The following C1orf87 variants were observed in gnomAD, a reference collection of about 807,000 sequenced individuals.
C1orf87 encodes the protein uncharacterized protein C1orf87.
Under a neutral mutation model 60.5 loss-of-function variants are expected in C1orf87, and 58 were observed. The ratio of observed to expected loss-of-function variants is 0.96; its 90% CI spans 0.78 to 1.19. The LOEUF is 1.19. Ranked by LOEUF, C1orf87 falls within the 50% of genes most tolerant of loss-of-function variation. The pLI is 0.00. For synonymous variants in C1orf87, 236 were observed against 227.4 expected, an observed-to-expected ratio of 1.04 and a Z score of -0.34; for missense variants, 673 against 638.6, an observed-to-expected ratio of 1.05 and a Z score of -0.58.
intron 8 of C1orf87, among the ~76,000 whole-genome samples, chr1:60,021,641 C>T (rs919751482): frequency 1.3e-4 from 20 of 152,182 alleles, no homozygotes; most frequent in Non-Finnish European, 2.9e-5. Context: ...CCAAGCACTG[C>T]TCTAGACACT....
chr1:60,040,755 A>ATTTT (rs34709077), intron 4 of C1orf87, among the ~76,000 whole-genome samples: 3 of 132,124 alleles, frequency 2.3e-5, no homozygotes, highest in Non-Finnish European at 1.6e-5. Context: ...ACTGTCTTTA[A>ATTTT]TTTTTTTTTT....
intron 10 of C1orf87, among the ~76,000 whole-genome samples, chr1:59,998,138 G>A (rs1644976164): frequency 7.3e-6 from 1 of 137,438 alleles, no homozygotes; most frequent in Non-Finnish European, 1.6e-5. Flanking sequence ...TTGTACTAGT[G>A]GGGTCTGCAG....
chr1:60,055,482 C>T (rs1645448244), intron 2 of C1orf87, 44 bp from the exon 3 acceptor site: 1 of 1,527,192 alleles, frequency 6.5e-7, no homozygotes, highest in Admixed American at 1.7e-5. Flanking sequence ...CAGGCAGACT[C>T]CTCATACACT....
chr1:60,040,755 ATT>A (rs34709077), intron 4 of C1orf87, among the ~76,000 whole-genome samples: 3,286 of 132,064 alleles, frequency 0.025, 98 homozygotes, highest in African/African-American at 0.086. Context: ...ACTGTCTTTA[ATT>A]TTTTTTTTTT....
In C1orf87 at chr1:60,055,275, T is replaced by C; in HGVS notation, c.271A>G (p.Asn91Asp). Residue 91 changes from asparagine to aspartate, a missense_variant, in exon 3 of 12, where the codon AAC becomes GAC. By Grantham distance (23) the Asn-to-Asp change is conservative. Coordinates refer to ENST00000371201, the MANE Select transcript of C1orf87 (RefSeq NM_152377.3). ...DDVKEKKHPE[N>D]NQKSENNQKL... Reference sequence around the variant, plus strand: ...TGGTTGTTTTCTGATTTCTGGTTGTTCTCTGGGTGCTTTTTCTCTTTCACA... The same window carrying C: ...TGGTTGTTTTCTGATTTCTGGTTGTCCTCTGGGTGCTTTTTCTCTTTCACA... The C allele has an allele frequency of 6.2e-7, 1 of 1,614,208 alleles. No individual in the cohort carries two copies. Among genetic ancestry groups the C allele is most frequent in the Non-Finnish European group, 8.5e-7 (1 of 1,180,024 alleles).
intron 2 of C1orf87, among the ~76,000 whole-genome samples, chr1:60,065,594 C>A (rs1362674027): frequency 1.3e-5 from 2 of 152,060 alleles, no homozygotes; most frequent in Non-Finnish European, 2.9e-5. Flanking sequence ...TTCAGGTACA[C>A]TTCTGTGTCT....
At chr1:60,049,491 G>C (rs1196977491) in intron 3 of C1orf87, among the ~76,000 whole-genome samples, 2 of 152,002 alleles carry the variant, frequency 1.3e-5, no homozygotes, top group Non-Finnish European at 2.9e-5. Context: ...TTCTATAGAT[G>C]AGAGATATAT....
intron 2 of C1orf87, among the ~76,000 whole-genome samples, chr1:60,056,126 C>T (rs1645454249): frequency 1.3e-5 from 2 of 152,252 alleles, no homozygotes; most frequent in East Asian, 3.9e-4. Flanking sequence ...CACCTGTAGT[C>T]CCAGCTACTT....
chr1:60,047,375 G>T (rs182797693), intron 3 of C1orf87, among the ~76,000 whole-genome samples: 1 of 151,890 alleles, frequency 6.6e-6, no homozygotes, highest in East Asian at 1.9e-4. Context: ...TTTTATTGAT[G>T]CCCAAATTAT....
At chr1:60,030,891 G>C (rs1387623612) in intron 7 of C1orf87, among the ~76,000 whole-genome samples, 1 of 152,224 alleles carries the variant, frequency 6.6e-6, no homozygotes, top group African/African-American at 2.4e-5. Context: ...GATCTTTGTG[G>C]ATGGTCAGAT....
intron 8 of C1orf87, among the ~76,000 whole-genome samples, chr1:60,011,172 G>T (rs563024184): frequency 1.3e-5 from 2 of 152,190 alleles, no homozygotes; most frequent in East Asian, 3.9e-4. Flanking sequence ...TAATATGTCT[G>T]CAAGAGACAA....
intron 3 of C1orf87, among the ~76,000 whole-genome samples, chr1:60,052,331 A>G (rs1005057841): frequency 5.4e-5 from 7 of 130,776 alleles, no homozygotes; most frequent in African/African-American, 1.9e-4. Context: ...TGATATAAAC[A>G]ATATGTATTT....
intron 4 of C1orf87, 91 bp downstream of exon 4, chr1:60,040,900 C>A: frequency 7.1e-7 from 1 of 1,405,496 alleles, no homozygotes; most frequent in Non-Finnish European, 9.5e-7. Context: ...GCCCTCAGAC[C>A]AACTTATCTT....
At chr1:60,026,164 A>T (rs2100276890) in intron 7 of C1orf87, among the ~76,000 whole-genome samples, 1 of 152,278 alleles carries the variant, frequency 6.6e-6, no homozygotes, top group East Asian at 1.9e-4. Flanking sequence ...AAATATTTCA[A>T]ACTTTTAGGG....
At position 59,990,738 on chromosome 1, in the gene C1orf87, G is replaced by A. The variant is rs41301090; in HGVS notation, c.1576C>T (p.Arg526Cys). Residue 526 changes from arginine to cysteine, a missense_variant, in exon 12 of 12, where the codon CGC (arginine) becomes TGC (cysteine). Transcript: ENST00000371201. ...LSPQKIDQAL[R>C]RFRSGENMLL... ...ATATTTTCTCCCGAACGGAATCTGC[G>A]CAAGGCCTGGTCGATTTTCTGAGGG... is the stretch of plus-strand genomic sequence containing the variant. 9.9e-6 allele frequency: 16 copies of A among 1,614,050 alleles called. No homozygotes were observed. Among genetic ancestry groups the A allele is most frequent in the Admixed American group, 1.7e-5 (1 of 60,008 alleles).
chr1:60,025,545 A>G, intron 7 of C1orf87, 47 bp from the exon 8 acceptor site: 1 of 1,401,166 alleles, frequency 7.1e-7, no homozygotes, highest in South Asian at 1.3e-5. Flanking sequence ...TCACTAGGAT[A>G]CAAAATGTTT....
At chr1:60,023,807 C>G (rs1645180481) in intron 8 of C1orf87, among the ~76,000 whole-genome samples, 1 of 152,168 alleles carries the variant, frequency 6.6e-6, no homozygotes, top group Non-Finnish European at 1.5e-5. Context: ...GACAGTTACT[C>G]AGATCTTCCT....
At chr1:60,016,412 C>T (rs1645124963) in intron 8 of C1orf87, among the ~76,000 whole-genome samples, 2 of 152,170 alleles carry the variant, frequency 1.3e-5, no homozygotes, top group Admixed American at 1.3e-4. Flanking sequence ...CTGAGACACT[C>T]ATTCACTTGC....
chr1:60,048,390 A>T (rs1031058806), intron 3 of C1orf87, among the ~76,000 whole-genome samples: 9 of 152,108 alleles, frequency 5.9e-5, no homozygotes, highest in African/African-American at 2.2e-4. Context: ...ATTTTGCAAG[A>T]CTTTGAACCA....
Sources: allele counts gnomAD v4.1 joint callset (sites outside exome capture counted in the v4.1 genomes callset), GRCh38; gene constraint gnomAD v4.1.1; transcripts MANE v1.5; gene names NCBI Gene and HGNC (gene_info 2026-07-23, HGNC 2026-07-21).